Variants in ZNF678 observed in about 807,000 individuals in gnomAD.
ZNF678 encodes hypothetical protein MGC42493.
In ZNF678, 5 loss-of-function variants were observed where a neutral mutation model predicts 3.0. That is an observed-to-expected ratio of 1.69 (90% CI 0.88 to 3.56). The LOEUF is 3.56. Ranked by LOEUF, ZNF678 falls within the 30% of genes most tolerant of loss-of-function variation. The pLI is 0.00. For missense variants in ZNF678, 593 were observed against 605.0 expected (o/e 0.98, Z 0.21); for synonymous variants, 218 against 199.6 (o/e 1.09, Z -0.78).
chr1:227,585,030 C>G (rs1312360468), intron 1 of ZNF678, among the ~76,000 whole-genome samples: 2 of 152,184 alleles, frequency 1.3e-5, no homozygotes, highest in Non-Finnish European at 2.9e-5. Flanking sequence ...CTGAGAGAGA[C>G]TTGAAACTAG....
intron 1 of ZNF678, among the ~76,000 whole-genome samples, chr1:227,617,899 G>GTC (rs1318199490): frequency 6.6e-6 from 1 of 152,238 alleles, no homozygotes; most frequent in South Asian, 2.1e-4. Context: ...ACTGGTCAGC[G>GTC]TCTCTCTCCA....
At chr1:227,641,776 C>A (rs1357741206) in intron 1 of ZNF678, among the ~76,000 whole-genome samples, 1 of 151,482 alleles carries the variant, frequency 6.6e-6, no homozygotes. Context: ...AAAAAAACTT[C>A]ACAAAACAGC....
At chr1:227,585,505 T>A (rs919859082) in intron 1 of ZNF678, among the ~76,000 whole-genome samples, 2 of 152,162 alleles carry the variant, frequency 1.3e-5, no homozygotes, top group African/African-American at 4.8e-5. Flanking sequence ...CCGGGCACGG[T>A]GGCACACACC....
At chr1:227,579,342 C>T (rs945189847) in intron 1 of ZNF678, among the ~76,000 whole-genome samples, 1 of 151,978 alleles carries the variant, frequency 6.6e-6, no homozygotes, top group Admixed American at 6.6e-5. Context: ...CTGTGCCCTA[C>T]AAGCACAGAT....
At chr1:227,588,697 G>T (rs947520811) in intron 1 of ZNF678, among the ~76,000 whole-genome samples, 1 of 151,842 alleles carries the variant, frequency 6.6e-6, no homozygotes, top group African/African-American at 2.4e-5. Flanking sequence ...ATAGAGGCAA[G>T]GTTTCACTTG....
chr1:227,636,440 G>A (rs190834207), intron 1 of ZNF678, among the ~76,000 whole-genome samples: 10 of 152,214 alleles, frequency 6.6e-5, no homozygotes, highest in Admixed American at 1.3e-4. Flanking sequence ...TTGTTGCGCC[G>A]AGCATTTCCA....
Position 227,659,209 on chromosome 1 carries a change from A to G in ZNF678, c.*3381A>G, listed in dbSNP as rs901688342. 6.6e-6 allele frequency: 1 copy of G among 152,080 alleles called. No individual in the cohort carries two copies. Among genetic ancestry groups the G allele is most frequent in the Non-Finnish European group, 1.5e-5 (1 of 68,004 alleles). 9.4% of individuals were successfully genotyped at this position (152,080 alleles called of 1,614,324 possible). On this transcript the variant is annotated 3_prime_UTR_variant, in exon 4 of 4. Transcript: ENST00000343776. ...ATTTTGGAATAATCTTTTCTTCCCC[A>G]TTGATACTGGAATCTTGGGAAGTTT...
intron 1 of ZNF678, among the ~76,000 whole-genome samples, chr1:227,635,679 T>G (rs761243759): frequency 6.6e-6 from 1 of 152,050 alleles, no homozygotes; most frequent in Non-Finnish European, 1.5e-5. Flanking sequence ...GCTGGAAGTG[T>G]CCTAGTCTGA....
At chr1:227,614,940 A>C (rs531314575) in intron 1 of ZNF678, among the ~76,000 whole-genome samples, 1 of 152,344 alleles carries the variant, frequency 6.6e-6, no homozygotes, top group East Asian at 1.9e-4. Flanking sequence ...ATCTTAGAAA[A>C]AGTTAACAGC....
At chr1:227,605,152 G>T (rs1253718704) in intron 1 of ZNF678, among the ~76,000 whole-genome samples, 2 of 152,228 alleles carry the variant, frequency 1.3e-5, no homozygotes, top group Admixed American at 1.3e-4. Flanking sequence ...ACTGCGCCTG[G>T]CCCAGTTAGC....
Position 227,563,607 on chromosome 1 carries a change from TC to T in ZNF678, c.-277del. On this transcript the variant is annotated 5_prime_UTR_variant, in exon 1 of 4. Transcript: ENST00000343776. ...TTGGTCCCGTATTCTCGGCTATTTATCCCCAGCTGCGGGAGGCCCTGGTGAC... is the reference window on the plus strand; with the variant it reads ...TTGGTCCCGTATTCTCGGCTATTTATCCCAGCTGCGGGAGGCCCTGGTGAC... 1 of 1,106,476 alleles carries T rather than the reference TC, an allele frequency of 9.0e-7. No homozygotes were observed. The highest frequency in any genetic ancestry group is 1.2e-6 in the Non-Finnish European group (1 of 807,276). 68.5% of individuals were successfully genotyped at this position (1,106,476 alleles called of 1,614,324 possible).
intron 1 of ZNF678, among the ~76,000 whole-genome samples, chr1:227,639,740 A>G (rs1658771913): frequency 1.3e-5 from 2 of 152,174 alleles, no homozygotes; most frequent in Admixed American, 6.5e-5. Flanking sequence ...TAGGCTGGGC[A>G]GGAGCTTGGT....
chr1:227,668,765 A>G (rs1319551013), intron 5 of ZNF678, among the ~76,000 whole-genome samples: 2 of 152,224 alleles, frequency 1.3e-5, no homozygotes, highest in Admixed American at 1.3e-4. Flanking sequence ...ATCTATTTGT[A>G]TTCTTCTGCA....
At chr1:227,624,169 C>G (rs1396518845) in intron 1 of ZNF678, among the ~76,000 whole-genome samples, 1 of 152,204 alleles carries the variant, frequency 6.6e-6, no homozygotes, top group African/African-American at 2.4e-5. Flanking sequence ...GGACAACAAT[C>G]ACTTTTTACT....
Position 227,584,131 on chromosome 1 carries a change from A to G in ZNF678, c.-164+20407A>G, listed in dbSNP as rs546501604. Among the ~76,000 whole-genome samples, 12 of 152,302 alleles carry G rather than the reference A, an allele frequency of 7.9e-5. No individual in the cohort carries two copies. The South Asian group carries it at 2.5e-3, about 32-fold the overall frequency. ...TGTTGGGGAAGTCCACACCAATTGA[A>G]TTAACATTTTGTTGCAGAGCTTTAT... On this transcript the variant is annotated intron_variant, in intron 1 of 3. Coordinates refer to ENST00000343776, the MANE Select transcript of ZNF678 (RefSeq NM_001367909.1).
In ZNF678 at chr1:227,654,322, T is replaced by C. The variant is rs779884178; in HGVS notation, c.86-14T>C. The C allele has an allele frequency of 2.7e-6, 4 of 1,492,528 alleles. No individual in the cohort carries two copies. In the Admixed American group the frequency reaches 9.8e-5, roughly 37 times the overall value. The allele number at this position is 1,492,528 out of a possible 1,614,324, so 92.5% of individuals were successfully genotyped here. Reference sequence around the variant, plus strand: ...TTAGTAAGAAGAATAACTTTTTATTTTTATTTCTTTCAGCTATTTTATCTT... The same window carrying C: ...TTAGTAAGAAGAATAACTTTTTATTCTTATTTCTTTCAGCTATTTTATCTT... On this transcript the variant is annotated splice_polypyrimidine_tract_variant and intron_variant, in intron 3 of 3. Transcript: ENST00000343776.
chr1:227,573,177 A>T (rs1303499456), intron 1 of ZNF678, among the ~76,000 whole-genome samples: 1 of 152,212 alleles, frequency 6.6e-6, no homozygotes, highest in Non-Finnish European at 1.5e-5. Flanking sequence ...CAGTAGAGAG[A>T]AGTTCATTGA....
At chr1:227,585,548 G>A (rs557446807) in intron 1 of ZNF678, among the ~76,000 whole-genome samples, 1 of 152,316 alleles carries the variant, frequency 6.6e-6, no homozygotes, top group African/African-American at 2.4e-5. Context: ...GCTGAGGTGG[G>A]CAGATCACGA....
intron 1 of ZNF678, among the ~76,000 whole-genome samples, chr1:227,593,796 A>C (rs2102741275): frequency 6.6e-6 from 1 of 151,144 alleles, no homozygotes; most frequent in East Asian, 2.0e-4. Context: ...TTCCCCTGGG[A>C]CCATGGCCCA....
Sources: gnomAD v4.1 joint callset for allele counts (sites outside exome capture counted in the v4.1 genomes callset) on GRCh38, gnomAD v4.1.1 for gene constraint, MANE v1.5 for transcripts, NCBI Gene and HGNC (gene_info 2026-07-23, HGNC 2026-07-21) for gene names.